STX8: variants seen among roughly 807,000 people sequenced by gnomAD.
STX8 encodes the protein syntaxin-8.
Under a neutral mutation model 37.5 loss-of-function variants are expected in STX8, and 23 were observed. That is an observed-to-expected ratio of 0.61 (90% CI 0.44 to 0.87). The LOEUF (loss-of-function observed/expected upper bound fraction) is 0.87, where lower values mean the gene tolerates loss of function less well. Among genes scored for constraint, STX8 ranks in the 40% least tolerant of loss-of-function variants. STX8 has a pLI of 0.00. For synonymous variants in STX8, 115 were observed against 99.1 expected (o/e 1.16, Z -0.95); for missense variants, 313 against 284.7 (o/e 1.10, Z -0.71).
intron 7 of STX8, among the ~76,000 whole-genome samples, chr17:9,375,622 C>A (rs967609260): frequency 2.8e-4 from 43 of 152,164 alleles, no homozygotes; most frequent in African/African-American, 1.0e-3. Context: ...GCTCACCGCA[C>A]ACAATGTACC....
rs372902738 is a variant in STX8, at chr17:9,489,496, T to C, written c.541+2333A>G. Among the ~76,000 whole-genome samples, 54 of 152,204 alleles carry C rather than the reference T, an allele frequency of 3.5e-4. 1 individual carries two copies. The highest frequency in any genetic ancestry group is 1.2e-3 in the African/African-American group (51 of 41,534). On this transcript the variant is annotated intron_variant, in intron 6 of 7. Coordinates refer to ENST00000306357, the MANE Select transcript of STX8 (RefSeq NM_004853.3). ...CTTAGTAAATCATCCCACCAAATTATGCATGTAAAGCACCATCACTTGTTA... is the reference window on the plus strand; with the variant it reads ...CTTAGTAAATCATCCCACCAAATTACGCATGTAAAGCACCATCACTTGTTA...
intron 6 of STX8, among the ~76,000 whole-genome samples, chr17:9,481,422 C>T (rs1031561395): frequency 6.6e-6 from 1 of 152,246 alleles, no homozygotes; most frequent in East Asian, 1.9e-4. Context: ...AAAAGGCAAA[C>T]GTACTTAAAT....
chr17:9,500,310 T>C (rs1904564591), intron 5 of STX8, among the ~76,000 whole-genome samples: 1 of 152,164 alleles, frequency 6.6e-6, no homozygotes, highest in African/African-American at 2.4e-5. Flanking sequence ...ACAACAGTTT[T>C]AAGACATGGA....
chr17:9,402,124 T>C (rs1296600894), intron 6 of STX8, among the ~76,000 whole-genome samples: 3 of 150,788 alleles, frequency 2.0e-5, no homozygotes, highest in African/African-American at 4.9e-5. Context: ...ATTTATTTAT[T>C]ATTATTTGTT....
chr17:9,485,963 A>G (rs1906579853), intron 6 of STX8, among the ~76,000 whole-genome samples: 1 of 152,204 alleles, frequency 6.6e-6, no homozygotes, highest in Non-Finnish European at 1.5e-5. Context: ...GGAAATGACA[A>G]AAGAATGTCC....
At chr17:9,268,996 G>A (rs1907340944) in intron 7 of STX8, among the ~76,000 whole-genome samples, 1 of 152,076 alleles carries the variant, frequency 6.6e-6, no homozygotes, top group Non-Finnish European at 1.5e-5. Context: ...GACCATCCTG[G>A]CTAAAACGGT....
chr17:9,407,774 T>C lies in STX8; in HGVS notation c.542-29121A>G, dbSNP rs545834239. 6.6e-5 allele frequency among the ~76,000 whole-genome samples: 10 copies of C among 152,326 alleles called. No individual in the cohort carries two copies. In the East Asian group the frequency reaches 7.7e-4, roughly 12 times the overall value. On this transcript the variant is annotated intron_variant, in intron 6 of 7. Coordinates refer to ENST00000306357, the MANE Select transcript of STX8 (RefSeq NM_004853.3). ...AGTTTGTCTAAAGACCTGGGATTGA[T>C]AGACAGCAAATATTCAGGTTAAGAT...
chr17:9,383,967 T>TA, intron 6 of STX8, among the ~76,000 whole-genome samples: 1 of 152,170 alleles, frequency 6.6e-6, no homozygotes, highest in East Asian at 1.9e-4. Flanking sequence ...AAAGAAGGCC[T>TA]AAAAAAAGGA....
intron 7 of STX8, among the ~76,000 whole-genome samples, chr17:9,264,146 G>A (rs1309025400): frequency 6.6e-6 from 1 of 152,220 alleles, no homozygotes; most frequent in Non-Finnish European, 1.5e-5. Flanking sequence ...GAGATGCCCA[G>A]CCAGCCCCAC....
At chr17:9,400,508 G>A (rs920040809) in intron 6 of STX8, among the ~76,000 whole-genome samples, 1 of 150,620 alleles carries the variant, frequency 6.6e-6, no homozygotes, top group Non-Finnish European at 1.5e-5. Flanking sequence ...AGGTTCAAGC[G>A]ATTCTCCTGC....
At chr17:9,508,041 C>T (rs533409458) in intron 4 of STX8, among the ~76,000 whole-genome samples, 21 of 152,156 alleles carry the variant, frequency 1.4e-4, no homozygotes, top group African/African-American at 5.1e-4. Context: ...CATGACACCT[C>T]CAAAGGAATA....
chr17:9,333,152 G>C (rs1191159988), intron 7 of STX8, among the ~76,000 whole-genome samples: 4 of 152,082 alleles, frequency 2.6e-5, no homozygotes, highest in Non-Finnish European at 5.9e-5. Flanking sequence ...TGTCACATGG[G>C]TATATTGTGT....
chr17:9,342,760 C>T (rs973544003), intron 7 of STX8, among the ~76,000 whole-genome samples: 6 of 152,078 alleles, frequency 3.9e-5, no homozygotes, highest in South Asian at 2.1e-4. Context: ...CGGTGGCTCA[C>T]GCCTGTAATC....
intron 7 of STX8, among the ~76,000 whole-genome samples, chr17:9,288,222 T>C (rs1035775125): frequency 2.2e-4 from 25 of 113,482 alleles, no homozygotes; most frequent in Admixed American, 5.4e-4. Flanking sequence ...AATGACAAGA[T>C]ACAACGCAAA....
chr17:9,358,293 G>A lies in STX8; in HGVS notation c.643+20259C>T, dbSNP rs1024139408. 2.6e-5 allele frequency among the ~76,000 whole-genome samples: 4 copies of A among 152,142 alleles called. No homozygotes were observed. In the South Asian group the frequency reaches 6.2e-4, roughly 24 times the overall value. On this transcript the variant is annotated intron_variant, in intron 7 of 7. Coordinates refer to ENST00000306357, the MANE Select transcript of STX8 (RefSeq NM_004853.3). ...CTCAAGTGATCCTCCTGATAGCTTA[G>A]CACAGAGGTATGACCATGCCACTGC...
chr17:9,299,275 T>C (rs939984212), intron 7 of STX8, among the ~76,000 whole-genome samples: 8 of 152,070 alleles, frequency 5.3e-5, no homozygotes, highest in African/African-American at 9.7e-5. Context: ...ATGGTGCAAA[T>C]GTGGTCACAT....
At chr17:9,297,199 T>C (rs924434425) in intron 7 of STX8, among the ~76,000 whole-genome samples, 1 of 146,006 alleles carries the variant, frequency 6.8e-6, no homozygotes, top group African/African-American at 2.6e-5. Context: ...TCAAACCTTG[T>C]ATCATTTTGC....
At chr17:9,536,889 G>A (rs558260200) in intron 4 of STX8, among the ~76,000 whole-genome samples, 49 of 151,960 alleles carry the variant, frequency 3.2e-4, no homozygotes, top group African/African-American at 1.1e-3. Context: ...GATTACAAGC[G>A]CCCGCCACCA....
intron 2 of STX8, among the ~76,000 whole-genome samples, chr17:9,567,361 C>G (rs1182395640): frequency 6.6e-6 from 1 of 152,170 alleles, no homozygotes; most frequent in Non-Finnish European, 1.5e-5. Flanking sequence ...GTAGATTAGT[C>G]TACACTTAAA....
Sources: allele counts gnomAD v4.1 joint callset (sites outside exome capture counted in the v4.1 genomes callset), GRCh38; gene constraint gnomAD v4.1.1; transcripts MANE v1.5; gene names NCBI Gene and HGNC (gene_info 2026-07-23, HGNC 2026-07-21).